The following SOX5 variants were observed in gnomAD, a reference collection of about 807,000 sequenced individuals.
SOX5 encodes the protein SRY-box transcription factor 5.
SOX5 carries 9 observed loss-of-function variants against 92.0 expected under a neutral mutation model. That is an observed-to-expected ratio of 0.10 (90% CI 0.06 to 0.17). The LOEUF (loss-of-function observed/expected upper bound fraction) is 0.17. Ranked by LOEUF, SOX5 falls within the 10% of genes least tolerant of loss-of-function variation. The probability of loss-of-function intolerance (pLI) is 1.00; values close to 1 mark genes in which losing one functional copy is unlikely to be tolerated. For synonymous variants in SOX5, 344 were observed against 336.3 expected, an observed-to-expected ratio of 1.02 and a Z score of -0.25; for missense variants, 642 against 944.5, an observed-to-expected ratio of 0.68 and a Z score of 4.20.
chr12:23,743,319 CT>C, intron 4 of SOX5, among the ~76,000 whole-genome samples: 1 of 151,136 alleles, frequency 6.6e-6, no homozygotes, highest in East Asian at 1.9e-4. Context: ...TTTCTTTTTT[CT>C]TTTTTTTGAG....
In SOX5 at chr12:24,334,789, T is replaced by C. The variant is rs995775385; in HGVS notation, c.-174+33774A>G. On this transcript the variant is annotated intron_variant, in intron 2 of 4. Transcript: ENST00000446891. ...AGTACATCACATATACTGGAATACA[T>C]CCACATGACAACAAAGCATTAAAAG... 2.0e-5 allele frequency among the ~76,000 whole-genome samples: 3 copies of C among 151,898 alleles called. No individual in the cohort carries two copies. The East Asian group carries it at 5.8e-4, about 29-fold the overall frequency.
At chr12:24,528,054 C>A (rs533257604) in intron 1 of SOX5, among the ~76,000 whole-genome samples, 1 of 152,120 alleles carries the variant, frequency 6.6e-6, no homozygotes, top group Admixed American at 6.5e-5. Flanking sequence ...TGCAAGTTTA[C>A]GAATTTTTAT....
chr12:23,559,243 A>G (rs1945777701), intron 11 of SOX5, among the ~76,000 whole-genome samples: 1 of 152,218 alleles, frequency 6.6e-6, no homozygotes, highest in Admixed American at 6.5e-5. Flanking sequence ...TGTTTTTTAC[A>G]AAACAAAATA....
At chr12:24,450,453 CT>C (rs1229035340) in intron 1 of SOX5, among the ~76,000 whole-genome samples, 1 of 151,428 alleles carries the variant, frequency 6.6e-6, no homozygotes, top group African/African-American at 2.4e-5. Context: ...ATATCCATTA[CT>C]TCGAGTGTGT....
At chr12:23,734,483 G>C (rs972478226) in intron 6 of SOX5, among the ~76,000 whole-genome samples, 42 of 152,138 alleles carry the variant, frequency 2.8e-4, no homozygotes, top group African/African-American at 9.4e-4. Flanking sequence ...AGCTTGCTTA[G>C]ATTGAAGCTC....
intron 4 of SOX5, among the ~76,000 whole-genome samples, chr12:24,068,640 A>T (rs1475458149): frequency 2.0e-4 from 28 of 138,698 alleles, no homozygotes; most frequent in Non-Finnish European, 1.5e-5. Context: ...CAGCAAAACA[A>T]CTCTTAAGGT....
chr12:24,230,325 G>C (rs1198246855), intron 3 of SOX5, among the ~76,000 whole-genome samples: 1 of 152,126 alleles, frequency 6.6e-6, no homozygotes, highest in Admixed American at 6.5e-5. Flanking sequence ...GAACAATGAG[G>C]ACAATGATGG....
At chr12:24,051,474 GTAAAAAT>G (rs1957559635) in intron 4 of SOX5, among the ~76,000 whole-genome samples, 1 of 152,100 alleles carries the variant, frequency 6.6e-6, no homozygotes, top group Non-Finnish European at 1.5e-5. Context: ...GACCTCAGAA[GTAAAAAT>G]TAAAGAATAA....
intron 1 of SOX5, among the ~76,000 whole-genome samples, chr12:24,440,823 G>A (rs372128219): frequency 6.6e-5 from 10 of 152,286 alleles, no homozygotes; most frequent in African/African-American, 2.4e-4. Flanking sequence ...CTAAACAGAT[G>A]GTTTGACCCA....
intron 4 of SOX5, among the ~76,000 whole-genome samples, chr12:24,124,772 C>T (rs117319879): frequency 6.7e-4 from 102 of 152,190 alleles, no homozygotes; most frequent in Non-Finnish European, 1.3e-3. Context: ...CCTTTCTAAA[C>T]CTAAAAGGGG....
intron 4 of SOX5, among the ~76,000 whole-genome samples, chr12:24,096,212 C>CACCCATCA (rs1401823234): frequency 6.6e-6 from 1 of 152,128 alleles, no homozygotes; most frequent in Non-Finnish European, 1.5e-5. Flanking sequence ...TGGTTTGCTG[C>CACCCATCA]ACCCATCAAC....
At chr12:24,358,180 T>G (rs1955096741) in intron 2 of SOX5, among the ~76,000 whole-genome samples, 1 of 152,188 alleles carries the variant, frequency 6.6e-6, no homozygotes, top group Admixed American at 6.5e-5. Context: ...TTATTGAAAA[T>G]CACCAATAAA....
chr12:24,120,227 T>C (rs2138307584), intron 4 of SOX5, among the ~76,000 whole-genome samples: 1 of 152,332 alleles, frequency 6.6e-6, no homozygotes, highest in South Asian at 2.1e-4. Context: ...TATGCTCAAC[T>C]TTAGTATATA....
At chr12:23,655,608 C>G (rs564163085) in intron 7 of SOX5, among the ~76,000 whole-genome samples, 1 of 152,102 alleles carries the variant, frequency 6.6e-6, no homozygotes, top group African/African-American at 2.4e-5. Context: ...AGCCATTGCA[C>G]CTTTCTCTCT....
intron 2 of SOX5, among the ~76,000 whole-genome samples, chr12:23,872,790 G>T (rs2096889153): frequency 6.6e-6 from 1 of 152,138 alleles, no homozygotes; most frequent in Admixed American, 6.5e-5. Flanking sequence ...TCTTTGAAAG[G>T]ATTTTAAAGA....
At chr12:23,627,753 C>T (rs545270068) in intron 8 of SOX5, among the ~76,000 whole-genome samples, 60 of 151,962 alleles carry the variant, frequency 3.9e-4, no homozygotes, top group East Asian at 7.7e-4. Flanking sequence ...CCCATTATAT[C>T]AAACCTACCA....
chr12:24,254,052 T>A (rs1940682344), intron 3 of SOX5, among the ~76,000 whole-genome samples: 1 of 152,144 alleles, frequency 6.6e-6, no homozygotes, highest in South Asian at 2.1e-4. Context: ...GCCACATAAG[T>A]AATGACCATC....
intron 2 of SOX5, among the ~76,000 whole-genome samples, chr12:24,329,663 T>C (rs1212573804): frequency 6.6e-6 from 1 of 152,238 alleles, no homozygotes. Context: ...AAATTATTCA[T>C]TTACAATAAT....
chr12:23,687,973 C>G (rs974035583), intron 6 of SOX5, among the ~76,000 whole-genome samples: 8 of 151,754 alleles, frequency 5.3e-5, no homozygotes, highest in Non-Finnish European at 1.0e-4. Flanking sequence ...CTAGAATACT[C>G]TAGACAATAG....
Sources: gnomAD v4.1 joint callset for allele counts (sites outside exome capture counted in the v4.1 genomes callset) on GRCh38, gnomAD v4.1.1 for gene constraint, MANE v1.5 for transcripts, NCBI Gene and HGNC (gene_info 2026-07-23, HGNC 2026-07-21) for gene names.